The following FAM118A variants were observed in gnomAD, a reference collection of about 807,000 sequenced individuals.
FAM118A encodes the protein SIR2 antiphage like 2, also known as protein FAM118A.
Under a neutral mutation model 38.2 loss-of-function variants are expected in FAM118A, and 25 were observed. The ratio of observed to expected loss-of-function variants is 0.65; its 90% confidence interval spans 0.48 to 0.91. The LOEUF is 0.91. Among genes scored for constraint, FAM118A ranks in the 40% least tolerant of loss-of-function variants. The pLI is 0.00. For synonymous variants in FAM118A, 178 were observed against 184.1 expected (o/e 0.97, Z 0.27); for missense variants, 425 against 463.3 (o/e 0.92, Z 0.76).
intron 6 of FAM118A, among the ~76,000 whole-genome samples, chr22:45,334,645 A>G (rs1350868684): frequency 6.6e-6 from 1 of 152,238 alleles, no homozygotes. Flanking sequence ...GCTAGTAAGT[A>G]GATGATTTCA....
Position 45,332,435 on chromosome 22 carries a change from A to G in FAM118A, c.662A>G (p.Gln221Arg), listed in dbSNP as rs1265439200. The stretch of plus-strand genomic sequence containing the variant: ...ATTGGCCTTTTCTAGGAAGTCCTCC[A>G]GAACTTATACCGCACCAAGTCCTTT... ...TQDAEVMEVL[Q>R]NLYRTKSFLF... is the part of the protein sequence containing the mutation. Residue 221 changes from glutamine to arginine, a missense_variant, in exon 6 of 9, where the codon CAG becomes CGG. Coordinates refer to ENST00000441876, the MANE Select transcript of FAM118A (RefSeq NM_017911.4). 6.2e-7 allele frequency: 1 copy of G among 1,611,500 alleles called. No individual in the cohort carries two copies. Among genetic ancestry groups the G allele is most frequent in the Non-Finnish European group, 8.5e-7 (1 of 1,179,020 alleles).
chr22:45,330,916 T>C (rs1194470336), intron 5 of FAM118A, among the ~76,000 whole-genome samples, 185 bp downstream of exon 5: 11 of 152,208 alleles, frequency 7.2e-5, no homozygotes, highest in Admixed American at 6.5e-4. Context: ...GGGTCCCGCA[T>C]GGTGCCTCCA....
At chr22:45,317,487 G>T (rs1352534039) in intron 1 of FAM118A, among the ~76,000 whole-genome samples, 1 of 152,212 alleles carries the variant, frequency 6.6e-6, no homozygotes, top group Non-Finnish European at 1.5e-5. Flanking sequence ...GCTTGTAATG[G>T]AAAGCGAGTA....
chr22:45,336,909 T>C (rs1235429586), intron 8 of FAM118A, among the ~76,000 whole-genome samples: 7 of 152,190 alleles, frequency 4.6e-5, no homozygotes, highest in Admixed American at 4.6e-4. Flanking sequence ...CTTTAACTCA[T>C]TTGAGCTTTG....
At chr22:45,330,151 G>A (rs1180053633) in intron 4 of FAM118A, among the ~76,000 whole-genome samples, 1 of 152,188 alleles carries the variant, frequency 6.6e-6, no homozygotes, top group Admixed American at 6.5e-5. Flanking sequence ...TTAACAGTTT[G>A]CTGTAACCTC....
At chr22:45,310,450 C>T (rs1028707957) in intron 1 of FAM118A, among the ~76,000 whole-genome samples, 7 of 152,094 alleles carry the variant, frequency 4.6e-5, no homozygotes, top group Non-Finnish European at 8.8e-5. Context: ...CGGAAACTCT[C>T]GAGGTTCCCT....
At chr22:45,321,076 G>A (rs1287574992) in intron 1 of FAM118A, among the ~76,000 whole-genome samples, 1 of 152,150 alleles carries the variant, frequency 6.6e-6, no homozygotes, top group African/African-American at 2.4e-5. Context: ...GCATGAAAAA[G>A]TAGGATATGC....
chr22:45,328,494 T>G (rs1458125807), intron 4 of FAM118A: 1 of 809,876 alleles, frequency 1.2e-6, no homozygotes, highest in Middle Eastern at 2.7e-4. Flanking sequence ...TAGCCAGGCA[T>G]GGTGGCGCCT....
chr22:45,337,734 C>T (rs773116500), intron 8 of FAM118A: 4 of 645,230 alleles, frequency 6.2e-6, no homozygotes, highest in Non-Finnish European at 7.7e-6. Context: ...AGGCCTAGGT[C>T]TCCCTTGCTC....
At chr22:45,330,518 C>T in intron 4 of FAM118A, 85 bp from the exon 5 acceptor site, 5 of 1,375,636 alleles carry the variant, frequency 3.6e-6, no homozygotes, top group East Asian at 2.6e-5. Flanking sequence ...GGTTTAAAAA[C>T]TATGAATCCA....
chr22:45,330,416 C>T (rs1311869760), intron 4 of FAM118A, 187 bp from the exon 5 acceptor site: 6 of 498,928 alleles, frequency 1.2e-5, no homozygotes, highest in East Asian at 7.9e-5. Flanking sequence ...CGTCGTAGGA[C>T]GGGAATAACT....
At position 45,324,817 on chromosome 22, in the gene FAM118A, C is replaced by A. The variant is rs531629114; in HGVS notation, c.300+1390C>A. Among the ~76,000 whole-genome samples the A allele has an allele frequency of 8.3e-3, 1,257 of 152,288 alleles. 20 individuals carry two copies. Among genetic ancestry groups the A allele is most frequent in the African/African-American group, 0.029 (1,215 of 41,554 alleles). ...ATCCCAGCACTTTGGGAGGCCGAGGCAGGCAGATCACCTGAGGTCAGGAGT... is the reference window on the plus strand; with the variant it reads ...ATCCCAGCACTTTGGGAGGCCGAGGAAGGCAGATCACCTGAGGTCAGGAGT... On this transcript the variant is annotated intron_variant, in intron 3 of 8. Coordinates refer to ENST00000441876, the MANE Select transcript of FAM118A (RefSeq NM_017911.4).
At chr22:45,322,232 T>C (rs761055671) in intron 1 of FAM118A, 139 bp from the exon 2 acceptor site, 2 of 1,546,348 alleles carry the variant, frequency 1.3e-6, no homozygotes, top group South Asian at 2.4e-5. Context: ...CATTTGCGTA[T>C]GACATTTTTC....
intron 1 of FAM118A, among the ~76,000 whole-genome samples, chr22:45,313,469 C>T (rs1164342469): frequency 2.0e-5 from 3 of 151,908 alleles, no homozygotes; most frequent in Non-Finnish European, 4.4e-5. Flanking sequence ...ATTACAGGCG[C>T]CTGCCACCTT....
chr22:45,335,358 C>G lies in FAM118A; in HGVS notation c.946C>G (p.Arg316Gly). 6.2e-7 allele frequency: 1 copy of G among 1,614,224 alleles called. No individual in the cohort carries two copies. The highest frequency in any genetic ancestry group is 1.1e-5 in the South Asian group (1 of 91,084). The change falls in exon 7 of 9, where the codon CGC (arginine) becomes GGC (glycine). Residue 316 changes from arginine to glycine, a missense_variant. Transcript: ENST00000441876. ...TTTTCTTTCTCCTTCAGATGCTGAT[C>G]GCGTGGACAGCACCACATTATTGGG... ...ICKQQSPDAD[R>G]VDSTTLLGNA...
Position 45,327,890 on chromosome 22 carries a change from G to A in FAM118A, c.349G>A (p.Val117Met). The A allele has an allele frequency of 6.2e-7, 1 of 1,614,260 alleles. No homozygotes were observed. Among genetic ancestry groups the A allele is most frequent in the Non-Finnish European group, 8.5e-7 (1 of 1,180,052 alleles). ...CTTCTTCCAGGACTGCCTGATGGAG[G>A]TGTTTGACGACCTGGAGCAGCACAT... ...PSFFQDCLME[V>M]FDDLEQHIRS... Residue 117 changes from valine (V) to methionine (M), a missense_variant, in exon 4 of 9, where the codon GTG becomes ATG. Physicochemically the swap from Val to Met is conservative, Grantham distance 21. Transcript: ENST00000441876.
rs749703854 is a variant in FAM118A, at chr22:45,330,731, G to T, written c.651G>T (p.Met217Ile). The change falls in exon 5 of 9, where the codon ATG becomes ATT. Residue 217 changes from methionine to isoleucine, a missense_variant and splice_region_variant. By Grantham distance (10) the Met-to-Ile change is conservative. Coordinates refer to ENST00000441876, the MANE Select transcript of FAM118A (RefSeq NM_017911.4). ...YKDVTQDAEV[M>I]EVLQNLYRTK... ...ACGTCACTCAAGACGCAGAAGTCAT[G>T]GTACGGCCCGTCCTAATTAGCATCG... The T allele has an allele frequency of 5.1e-6, 8 of 1,560,790 alleles. No homozygotes were observed. The East Asian group carries it at 1.8e-4, about 36-fold the overall frequency.
intron 8 of FAM118A, 73 bp downstream of exon 8, chr22:45,336,484 C>A: frequency 8.1e-7 from 1 of 1,233,450 alleles, no homozygotes; most frequent in Non-Finnish European, 1.2e-6. Flanking sequence ...AGGGACCGTG[C>A]TGCGCTTTAA....
intron 1 of FAM118A, among the ~76,000 whole-genome samples, chr22:45,321,104 T>C (rs2084851887): frequency 6.6e-6 from 1 of 152,246 alleles, no homozygotes; most frequent in Non-Finnish European, 1.5e-5. Flanking sequence ...TCTCAAATTA[T>C]GTCAATACTT....
Sources: allele counts gnomAD v4.1 joint callset (sites outside exome capture counted in the v4.1 genomes callset), GRCh38; gene constraint gnomAD v4.1.1; transcripts MANE v1.5; gene names NCBI Gene and HGNC (gene_info 2026-07-23, HGNC 2026-07-21).